The following ZNF398 variants were observed in gnomAD, a reference collection of about 807,000 sequenced individuals.
ZNF398 encodes zinc finger protein 398, also known as zinc finger DNA binding protein ZER6.
ZNF398 carries 18 observed loss-of-function variants against 41.9 expected under a neutral mutation model. The observed-to-expected ratio is 0.43, with a 90% confidence interval of 0.30 to 0.64. The LOEUF (loss-of-function observed/expected upper bound fraction) is 0.64. Ranked by LOEUF, ZNF398 falls within the 30% of genes least tolerant of loss-of-function variation. The probability of loss-of-function intolerance (pLI) is 0.14; values close to 1 mark genes in which losing one functional copy is unlikely to be tolerated. For synonymous variants in ZNF398, 260 were observed against 308.8 expected (o/e 0.84, Z 1.66); for missense variants, 669 against 822.8 (o/e 0.81, Z 2.29).
chr7:149,168,367 C>T (rs149168736), intron 4 of ZNF398, among the ~76,000 whole-genome samples: 62 of 152,120 alleles, frequency 4.1e-4, no homozygotes, highest in African/African-American at 1.2e-3. Context: ...CATGAGCCAC[C>T]GCACCCAGCC....
chr7:149,179,910 A>G lies in ZNF398; in HGVS notation c.*109A>G, dbSNP rs988001480. 1.8e-6 allele frequency: 2 copies of G among 1,085,628 alleles called. No homozygotes were observed. Among genetic ancestry groups the G allele is most frequent in the Middle Eastern group, 3.1e-4 (1 of 3,264 alleles). The allele number at this position is 1,085,628 out of a possible 1,614,324, so 67.2% of individuals were successfully genotyped here. A position where few individuals can be genotyped will look rare whatever the true frequency, so the allele number is the denominator to read the frequency against. The stretch of plus-strand genomic sequence containing the variant: ...ACCCACAGTAATTATTATCTGGCAC[A>G]TCAATGAATTTGGGGTCCTATACAC... On this transcript the variant is annotated 3_prime_UTR_variant, in exon 6 of 6. Coordinates refer to ENST00000475153, the MANE Select transcript of ZNF398 (RefSeq NM_170686.3). This position sits in a 1 kb window ranked among gnomAD's most constrained non-coding sequence, Gnocchi z 6.1.
intron 4 of ZNF398, among the ~76,000 whole-genome samples, chr7:149,170,915 C>CTT (rs751724829): frequency 3.5e-5 from 5 of 141,590 alleles, no homozygotes; most frequent in African/African-American, 1.0e-4. Context: ...AACATTTTTT[C>CTT]TTTTTTTTTT....
At chr7:149,166,728 C>T (rs1288290986) in intron 3 of ZNF398, 89 bp from the exon 4 acceptor site, 1 of 851,246 alleles carries the variant, frequency 1.2e-6, no homozygotes, top group Non-Finnish European at 1.8e-6. Flanking sequence ...GCACTGTGAC[C>T]ACAAAGCTTC....
intron 2 of ZNF398, among the ~76,000 whole-genome samples, chr7:149,136,398 GC>G (rs1826714783): frequency 6.6e-6 from 1 of 152,104 alleles, no homozygotes; most frequent in African/African-American, 2.4e-5. Flanking sequence ...CGGGTTGGCG[GC>G]CGGGCAGAGG....
chr7:149,141,967 A>G (rs181685744), intron 2 of ZNF398, among the ~76,000 whole-genome samples: 115 of 152,178 alleles, frequency 7.6e-4, no homozygotes, highest in African/African-American at 2.5e-3. Context: ...GTTTTTGTTT[A>G]AGACAGGGTC....
At chr7:149,170,189 C>T (rs1267833311) in intron 4 of ZNF398, among the ~76,000 whole-genome samples, 3 of 152,274 alleles carry the variant, frequency 2.0e-5, no homozygotes, top group Admixed American at 6.5e-5. Context: ...CGCTGCTGAA[C>T]AATGGGGATA....
In ZNF398 at chr7:149,182,355, T is replaced by G. The variant is rs376828078; in HGVS notation, c.*2554T>G. 2 of 152,340 alleles carry G rather than the reference T, an allele frequency of 1.3e-5. No individual in the cohort carries two copies. The highest frequency in any genetic ancestry group is 1.9e-4 in the East Asian group (1 of 5,186). The allele number at this position is 152,340 out of a possible 1,614,324, so 9.4% of individuals were successfully genotyped here. A position where few individuals can be genotyped will look rare whatever the true frequency, so the allele number is the denominator to read the frequency against. On this transcript the variant is annotated 3_prime_UTR_variant, in exon 6 of 6. Coordinates refer to ENST00000475153, the MANE Select transcript of ZNF398 (RefSeq NM_170686.3). ...GTTCAACTGTTACTCTTTTCTTTCA[T>G]CAATCCCCTATCAGTTAGAACTGCA...
intron 2 of ZNF398, among the ~76,000 whole-genome samples, chr7:149,133,330 T>G (rs551761730): frequency 6.6e-6 from 1 of 151,942 alleles, no homozygotes; most frequent in Non-Finnish European, 1.5e-5. Flanking sequence ...GCTAGGCTGG[T>G]CTGGAACTCC....
chr7:149,166,365 C>T lies in ZNF398; in HGVS notation c.547+81C>T, dbSNP rs1279883949. On this transcript the variant is annotated intron_variant, in intron 3 of 5. Coordinates refer to ENST00000475153, the MANE Select transcript of ZNF398 (RefSeq NM_170686.3). ...GAACAGTCCCTTTTCCTCCAGTGACCTCATTCTCACTCTGTCTTCACACAC... is the reference window on the plus strand; with the variant it reads ...GAACAGTCCCTTTTCCTCCAGTGACTTCATTCTCACTCTGTCTTCACACAC... 3.2e-6 allele frequency: 5 copies of T among 1,540,774 alleles called. No individual in the cohort carries two copies. In the South Asian group the frequency reaches 4.6e-5, roughly 14 times the overall value.
intron 5 of ZNF398, among the ~76,000 whole-genome samples, chr7:149,178,287 G>A (rs4498457): frequency 0.55 from 81,143 of 146,362 alleles, 25,276 homozygotes; most frequent in East Asian, 0.9. Context: ...GCGAGACTCC[G>A]TCTCAAAAAA....
At chr7:149,142,259 C>A (rs1202435) in intron 2 of ZNF398, among the ~76,000 whole-genome samples, 129,307 of 152,100 alleles carry the variant, frequency 0.85, 55,150 homozygotes, top group Middle Eastern at 0.95. Context: ...TGCTGTGCAC[C>A]AAAAGGTTAA....
chr7:149,153,937 G>A lies in ZNF398; in HGVS notation c.25-8G>A, dbSNP rs369019036. ...CAATGTCTTGTTCCATCTTTCCACTGCATGCAGACATCTGAATGGGACTCC... is the reference window on the plus strand; with the variant it reads ...CAATGTCTTGTTCCATCTTTCCACTACATGCAGACATCTGAATGGGACTCC... On this transcript the variant is annotated splice_region_variant and splice_polypyrimidine_tract_variant and intron_variant, in intron 1 of 5. Coordinates refer to ENST00000475153, the MANE Select transcript of ZNF398 (RefSeq NM_170686.3). 1 of 1,600,350 alleles carries A rather than the reference G, an allele frequency of 6.2e-7. No individual in the cohort carries two copies. The highest frequency in any genetic ancestry group is 1.3e-5 in the African/African-American group (1 of 74,540).
At chr7:149,130,401 C>T (rs1026668325) in intron 2 of ZNF398, among the ~76,000 whole-genome samples, 10 of 152,142 alleles carry the variant, frequency 6.6e-5, no homozygotes, top group African/African-American at 2.4e-4. Context: ...CAGCCTTTTC[C>T]AAGTTTTGGA....
At position 149,153,963 on chromosome 7, in the gene ZNF398, G is replaced by A. The variant is rs927934691; in HGVS notation, c.43G>A (p.Glu15Lys). The A allele has an allele frequency of 1.4e-5, 23 of 1,611,888 alleles. No homozygotes were observed. The highest frequency in any genetic ancestry group is 2.2e-5 in the East Asian group (1 of 44,880). Residue 15 changes from glutamate (E) to lysine (K), a missense_variant, in exon 2 of 6, where the codon GAG becomes AAG. By Grantham distance (56) the Glu-to-Lys change is moderately conservative. Coordinates refer to ENST00000475153, the MANE Select transcript of ZNF398 (RefSeq NM_170686.3). ...APAPTSEWDS[E>K]CLTSLQPLPL... ...CATGCAGACATCTGAATGGGACTCCGAGTGCCTTACATCCCTGCAGCCCCT... is the reference window on the plus strand; with the variant it reads ...CATGCAGACATCTGAATGGGACTCCAAGTGCCTTACATCCCTGCAGCCCCT...
intron 4 of ZNF398, among the ~76,000 whole-genome samples, chr7:149,168,300 A>T (rs1345160897): frequency 6.6e-6 from 1 of 150,954 alleles, no homozygotes; most frequent in African/African-American, 2.4e-5. Context: ...CTGGTCTCGA[A>T]CTCCTGACCT....
chr7:149,134,260 T>C (rs1347489950), intron 2 of ZNF398, among the ~76,000 whole-genome samples: 1 of 151,834 alleles, frequency 6.6e-6, no homozygotes, highest in Non-Finnish European at 1.5e-5. Context: ...TTTTTTGGAT[T>C]TTTAGTAGAG....
intron 1 of ZNF398, among the ~76,000 whole-genome samples, chr7:149,127,629 G>A (rs7796724): frequency 0.81 from 121,048 of 149,834 alleles, 49,496 homozygotes; most frequent in East Asian, 1. Context: ...AGTCGGGAGA[G>A]TGGCGTGAAC....
chr7:149,127,093 C>T (rs1826496476), intron 1 of ZNF398, among the ~76,000 whole-genome samples: 1 of 152,022 alleles, frequency 6.6e-6, no homozygotes, highest in South Asian at 2.1e-4. Flanking sequence ...TGACACAGGG[C>T]GTGAGAAACA....
rs141247135 is a variant in ZNF398 at position 149,164,853 on chromosome 7, T to C, written c.421-1305T>C. Among the ~76,000 whole-genome samples, 785 of 152,200 alleles carry C rather than the reference T, an allele frequency of 5.2e-3. 22 individuals are homozygous for C. The highest frequency in any genetic ancestry group is 0.046 in the Admixed American group (703 of 15,276). ...GCTCACACCTGTAATCCCAGCACTT[T>C]GGGAGGCTGAGGCAGGTGGATCACG... On this transcript the variant is annotated intron_variant, in intron 2 of 5. Transcript: ENST00000475153.
Sources: gnomAD v4.1 joint callset for allele counts (sites outside exome capture counted in the v4.1 genomes callset) on GRCh38, gnomAD v4.1.1 for gene constraint, Gnocchi (gnomAD v3.1) non-coding constraint, MANE v1.5 for transcripts, NCBI Gene and HGNC (gene_info 2026-07-23, HGNC 2026-07-21) for gene names.